ARHGAP24: variants seen among roughly 807,000 people sequenced by gnomAD.
ARHGAP24 encodes rho GTPase-activating protein 24.
A neutral mutation model predicts 76.4 loss-of-function variants in ARHGAP24; 50 were observed. That is an observed-to-expected ratio of 0.65 (90% CI 0.52 to 0.83). The LOEUF (loss-of-function observed/expected upper bound fraction) is 0.83. ARHGAP24 is among the 40% of genes least tolerant of loss of function. The probability of loss-of-function intolerance (pLI) is 0.00; values close to 1 mark genes in which losing one functional copy is unlikely to be tolerated. For missense variants in ARHGAP24, 930 were observed against 914.2 expected (o/e 1.02, Z -0.22); for synonymous variants, 345 against 323.3 (o/e 1.07, Z -0.72).
chr4:85,948,427 A>G (rs911646529), intron 5 of ARHGAP24, among the ~76,000 whole-genome samples: 1 of 152,194 alleles, frequency 6.6e-6, no homozygotes, highest in Non-Finnish European at 1.5e-5. Context: ...AAACATGTTT[A>G]TTAAAATTAT....
At chr4:85,564,792 G>A (rs1726758607) in intron 1 of ARHGAP24, among the ~76,000 whole-genome samples, 1 of 150,622 alleles carries the variant, frequency 6.6e-6, no homozygotes. Flanking sequence ...CAGGAGATGA[G>A]GCTCAGGCAA....
chr4:85,658,804 T>A (rs531520542), intron 2 of ARHGAP24, among the ~76,000 whole-genome samples: 61 of 152,294 alleles, frequency 4.0e-4, no homozygotes, highest in African/African-American at 1.4e-3. Context: ...AGGATGTACA[T>A]GGCCAAATGT....
intron 1 of ARHGAP24, among the ~76,000 whole-genome samples, chr4:85,533,647 C>T (rs999406634): frequency 6.6e-6 from 1 of 152,136 alleles, no homozygotes; most frequent in South Asian, 2.1e-4. Flanking sequence ...TTATAGGGTA[C>T]TCTTTATATA....
At chr4:85,755,249 A>G (rs1726431111) in intron 3 of ARHGAP24, among the ~76,000 whole-genome samples, 1 of 152,006 alleles carries the variant, frequency 6.6e-6, no homozygotes, top group South Asian at 2.1e-4. Flanking sequence ...ACTTATGGGG[A>G]CAATTCTCCC....
At chr4:85,555,208 A>T (rs930945501) in intron 1 of ARHGAP24, among the ~76,000 whole-genome samples, 5 of 152,082 alleles carry the variant, frequency 3.3e-5, no homozygotes, top group Non-Finnish European at 5.9e-5. Flanking sequence ...TGGCTTTTTG[A>T]GTTGCCAGAG....
intron 1 of ARHGAP24, among the ~76,000 whole-genome samples, chr4:85,484,237 G>T (rs1014630760): frequency 1.3e-5 from 2 of 152,106 alleles, no homozygotes; most frequent in African/African-American, 4.8e-5. Context: ...TTTATATGTT[G>T]CCCTGAGCCC....
At chr4:85,898,065 T>A (rs968113096) in intron 3 of ARHGAP24, among the ~76,000 whole-genome samples, 4 of 148,574 alleles carry the variant, frequency 2.7e-5, no homozygotes, top group Non-Finnish European at 4.5e-5. Flanking sequence ...ATATAATTAT[T>A]TTTTTATTGG....
At chr4:85,619,002 G>A (rs1400521688) in intron 2 of ARHGAP24, among the ~76,000 whole-genome samples, 1 of 151,904 alleles carries the variant, frequency 6.6e-6, no homozygotes, top group Non-Finnish European at 1.5e-5. Flanking sequence ...TAGCTTCCCT[G>A]CCTGTGCTTT....
chr4:85,885,122 C>T (rs961014388), intron 3 of ARHGAP24, among the ~76,000 whole-genome samples: 4 of 152,088 alleles, frequency 2.6e-5, no homozygotes, highest in Non-Finnish European at 4.4e-5. Flanking sequence ...TATTAGCCAA[C>T]GTATTTTAGG....
intron 3 of ARHGAP24, among the ~76,000 whole-genome samples, chr4:85,728,520 CCT>C (rs1297025515): frequency 6.6e-6 from 1 of 152,076 alleles, no homozygotes; most frequent in Non-Finnish European, 1.5e-5. Flanking sequence ...TAGACTTTTA[CCT>C]CTCTGATTCA....
chr4:85,558,148 A>G (rs997426564), intron 1 of ARHGAP24, among the ~76,000 whole-genome samples: 17 of 152,142 alleles, frequency 1.1e-4, no homozygotes, highest in African/African-American at 4.1e-4. Context: ...CACTGTTGCT[A>G]GGGAGCTCAG....
intron 3 of ARHGAP24, among the ~76,000 whole-genome samples, chr4:85,894,993 A>AAAAC (rs1734080632): frequency 4.5e-5 from 1 of 22,166 alleles, no homozygotes; most frequent in Admixed American, 4.2e-4. Flanking sequence ...AAAAAACAAA[A>AAAAC]CAAAAAGCAA....
chr4:85,601,168 T>A (rs2109988200), intron 2 of ARHGAP24, among the ~76,000 whole-genome samples: 1 of 152,334 alleles, frequency 6.6e-6, no homozygotes, highest in East Asian at 1.9e-4. Context: ...TGCTTTCCAT[T>A]TCTCAACTGG....
chr4:85,735,490 A>G lies in ARHGAP24; in HGVS notation c.268+13518A>G, dbSNP rs191618352. Among the ~76,000 whole-genome samples the G allele has an allele frequency of 1.2e-4, 19 of 152,218 alleles. No individual in the cohort carries two copies. The East Asian group carries it at 2.7e-3, about 22-fold the overall frequency. The stretch of plus-strand genomic sequence containing the variant: ...TTTTAATCCTCATAATAATTGCCCA[A>G]TCAGAATCATTTGACCCAGTTGATT... On this transcript the variant is annotated intron_variant, in intron 3 of 9. Transcript: ENST00000395184.
intron 2 of ARHGAP24, among the ~76,000 whole-genome samples, chr4:85,579,858 A>G (rs1428345938): frequency 6.6e-6 from 1 of 152,096 alleles, no homozygotes; most frequent in African/African-American, 2.4e-5. Flanking sequence ...TTGTCGGTTG[A>G]TGGACATATG....
At chr4:85,752,345 T>C (rs1726294809) in intron 3 of ARHGAP24, among the ~76,000 whole-genome samples, 1 of 152,208 alleles carries the variant, frequency 6.6e-6, no homozygotes, top group Non-Finnish European at 1.5e-5. Flanking sequence ...CCCTTCCCTT[T>C]TTCAAAATCT....
chr4:85,806,875 T>A (rs900732852), intron 3 of ARHGAP24, among the ~76,000 whole-genome samples: 6 of 152,140 alleles, frequency 3.9e-5, no homozygotes, highest in African/African-American at 1.4e-4. Flanking sequence ...TACATCAGTC[T>A]GAATAAAGCC....
chr4:85,872,426 A>C (rs992706662), intron 3 of ARHGAP24, among the ~76,000 whole-genome samples: 4 of 151,212 alleles, frequency 2.6e-5, no homozygotes, highest in Non-Finnish European at 5.9e-5. Context: ...CCTCCCGAGT[A>C]ACTGGGATTA....
chr4:85,705,604 A>C (rs1197637034), intron 2 of ARHGAP24, among the ~76,000 whole-genome samples: 2 of 152,214 alleles, frequency 1.3e-5, no homozygotes, highest in Non-Finnish European at 2.9e-5. Context: ...TGCTTACCAC[A>C]TGCAGGCATC....
Sources: allele counts gnomAD v4.1 joint callset (sites outside exome capture counted in the v4.1 genomes callset), GRCh38; gene constraint gnomAD v4.1.1; transcripts MANE v1.5; gene names NCBI Gene and HGNC (gene_info 2026-07-23, HGNC 2026-07-21).